TMEM232: variants seen among roughly 807,000 people sequenced by gnomAD.
The protein encoded by TMEM232 is transmembrane protein 232.
Under a neutral mutation model 78.8 loss-of-function variants are expected in TMEM232, and 80 were observed. The ratio of observed to expected loss-of-function variants is 1.01; its 90% CI spans 0.85 to 1.22. The LOEUF is 1.22. Among genes scored for constraint, TMEM232 ranks in the 50% most tolerant of loss-of-function variants. The pLI is 0.00. For missense variants in TMEM232, 881 were observed against 742.2 expected, an observed-to-expected ratio of 1.19 and a Z score of -2.17; for synonymous variants, 297 against 254.3, an observed-to-expected ratio of 1.17 and a Z score of -1.60.
At chr5:110,498,520 T>TA (rs1398643517) in intron 12 of TMEM232, among the ~76,000 whole-genome samples, 1 of 152,054 alleles carries the variant, frequency 6.6e-6, no homozygotes, top group Non-Finnish European at 1.5e-5. Flanking sequence ...AAACTCTGGA[T>TA]AAAATATAAA....
At chr5:110,493,164 A>C (rs1262976912) in intron 12 of TMEM232, among the ~76,000 whole-genome samples, 1 of 152,010 alleles carries the variant, frequency 6.6e-6, no homozygotes, top group East Asian at 1.9e-4. Context: ...AGGAAATCTT[A>C]AAACTTTTTA....
chr5:110,660,968 C>T lies in TMEM232; in HGVS notation c.125+6260G>A, dbSNP rs1225220715. On this transcript the variant is annotated intron_variant, in intron 2 of 13. Transcript: ENST00000455884. ...TTTAACTGTATGTTGTCCCCATTAA[C>T]CAACCTCTCTTCTTCCCCACTTCTT... Among the ~76,000 whole-genome samples, 9 of 152,268 alleles carry T rather than the reference C, an allele frequency of 5.9e-5. 1 individual carries two copies. In the South Asian group the frequency reaches 1.7e-3, roughly 28 times the overall value.
At chr5:110,694,364 A>C (rs1794508114) in intron 1 of TMEM232, among the ~76,000 whole-genome samples, 1 of 152,234 alleles carries the variant, frequency 6.6e-6, no homozygotes, top group African/African-American at 2.4e-5. Flanking sequence ...CAAATTGCAA[A>C]GACCATCAAG....
At chr5:110,731,708 G>T (rs1346912897) in intron 2 of TMEM232, among the ~76,000 whole-genome samples, 1 of 152,192 alleles carries the variant, frequency 6.6e-6, no homozygotes, top group Non-Finnish European at 1.5e-5. Context: ...GGGGACTCTG[G>T]GGCCAGCCCA....
intron 11 of TMEM232, among the ~76,000 whole-genome samples, chr5:110,546,098 AT>A (rs1237107477): frequency 2.6e-5 from 4 of 152,080 alleles, no homozygotes; most frequent in African/African-American, 9.6e-5. Flanking sequence ...ATTGTTTTTC[AT>A]TTCAAATATG....
chr5:110,669,798 T>G (rs1285299989), intron 1 of TMEM232, among the ~76,000 whole-genome samples: 1 of 152,194 alleles, frequency 6.6e-6, no homozygotes, highest in African/African-American at 2.4e-5. Context: ...CAAGTGGGCT[T>G]CATCACTGGG....
chr5:110,559,441 A>T (rs1006102225), intron 11 of TMEM232, among the ~76,000 whole-genome samples: 2 of 152,170 alleles, frequency 1.3e-5, no homozygotes, highest in Non-Finnish European at 2.9e-5. Context: ...AAAACCAACA[A>T]AGAGCTGGTT....
In TMEM232 at chr5:110,725,296, G is replaced by A. The variant is rs1233802711; in HGVS notation, c.-13+1331C>T. ...TCTCATATATACTCTACATCTCTCT[G>A]AGTAGCAGTGTGACATGTAGTACTT... On this transcript the variant is annotated intron_variant, in intron 1 of 13. Transcript: ENST00000455884. 3.3e-5 allele frequency among the ~76,000 whole-genome samples: 5 copies of A among 152,138 alleles called. No homozygotes were observed. In the South Asian group the frequency reaches 1.0e-3, roughly 32 times the overall value.
chr5:110,577,679 T>C (rs1177924582), intron 10 of TMEM232, among the ~76,000 whole-genome samples: 1 of 152,114 alleles, frequency 6.6e-6, no homozygotes, highest in Admixed American at 6.6e-5. Flanking sequence ...TGCCATGGAA[T>C]ACTATGTAGC....
intron 11 of TMEM232, among the ~76,000 whole-genome samples, chr5:110,545,791 C>T (rs1303403654): frequency 1.3e-5 from 2 of 152,024 alleles, no homozygotes; most frequent in African/African-American, 4.8e-5. Context: ...TTCATTTTAG[C>T]TGTACATATT....
intron 11 of TMEM232, among the ~76,000 whole-genome samples, chr5:110,538,041 C>T (rs1772615975): frequency 6.6e-6 from 1 of 152,172 alleles, no homozygotes; most frequent in African/African-American, 2.4e-5. Flanking sequence ...CTATAATACC[C>T]CCATGGGAAT....
At position 110,432,649 on chromosome 5, in the gene TMEM232, A is replaced by C. The variant is rs796493445; in HGVS notation, c.1704-7733T>G. Among the ~76,000 whole-genome samples, 5 of 151,752 alleles carry C rather than the reference A, an allele frequency of 3.3e-5. No homozygotes were observed. The South Asian group carries it at 1.0e-3, about 31-fold the overall frequency. On this transcript the variant is annotated intron_variant, in intron 12 of 13. Coordinates refer to ENST00000455884, the MANE Select transcript of TMEM232 (RefSeq NM_001039763.4). ...ATTTCAATATTAATCTTGAAGACAA[A>C]TAGCCTAAATGCTCCACTTACAAGA...
intron 2 of TMEM232, among the ~76,000 whole-genome samples, chr5:110,663,801 G>C (rs1006081762): frequency 6.6e-6 from 1 of 151,134 alleles, no homozygotes; most frequent in Non-Finnish European, 1.5e-5. Context: ...TACTTTTGGA[G>C]ACCCATAGAA....
At chr5:110,713,927 C>A (rs1315878344) in intron 1 of TMEM232, among the ~76,000 whole-genome samples, 1 of 152,198 alleles carries the variant, frequency 6.6e-6, no homozygotes, top group African/African-American at 2.4e-5. Context: ...TCTTAGTTGG[C>A]TGGTTCCAGG....
At chr5:110,641,900 A>G (rs1488664440) in intron 3 of TMEM232, among the ~76,000 whole-genome samples, 1 of 152,204 alleles carries the variant, frequency 6.6e-6, no homozygotes, top group South Asian at 2.1e-4. Flanking sequence ...ACAGAGAAAG[A>G]ACAGAGTACT....
chr5:110,638,856 A>G (rs760254859), intron 4 of TMEM232, among the ~76,000 whole-genome samples: 4 of 152,226 alleles, frequency 2.6e-5, no homozygotes, highest in Non-Finnish European at 4.4e-5. Flanking sequence ...GAAATAGGAC[A>G]GAACCAGATG....
At chr5:110,614,006 T>A (rs1298330533) in intron 8 of TMEM232, among the ~76,000 whole-genome samples, 2 of 152,044 alleles carry the variant, frequency 1.3e-5, no homozygotes, top group Non-Finnish European at 2.9e-5. Flanking sequence ...AGCCAACTAA[T>A]CTTTTTTAAA....
At chr5:110,732,560 C>A (rs916453025) in intron 2 of TMEM232, among the ~76,000 whole-genome samples, 1 of 152,090 alleles carries the variant, frequency 6.6e-6, no homozygotes, top group African/African-American at 2.4e-5. Context: ...AAGCGGAAAC[C>A]CCTGATAAGC....
At chr5:110,656,737 C>G (rs907591152) in intron 2 of TMEM232, among the ~76,000 whole-genome samples, 3 of 151,706 alleles carry the variant, frequency 2.0e-5, no homozygotes, top group Non-Finnish European at 4.4e-5. Context: ...ACTCAGGAGG[C>G]TGAGGCAGGA....
Sources: gnomAD v4.1 joint callset for allele counts (sites outside exome capture counted in the v4.1 genomes callset) on GRCh38, gnomAD v4.1.1 for gene constraint, MANE v1.5 for transcripts, NCBI Gene and HGNC (gene_info 2026-07-23, HGNC 2026-07-21) for gene names.